The following MYH14 variants were observed in gnomAD, a reference collection of about 807,000 sequenced individuals.
MYH14 encodes the protein myosin heavy chain 14.
In MYH14, 123 loss-of-function variants were observed where a neutral mutation model predicts 255.5. The observed-to-expected ratio is 0.48, with a 90% CI of 0.42 to 0.56. The LOEUF is 0.56. Ranked by LOEUF, MYH14 falls within the 20% of genes least tolerant of loss-of-function variation. MYH14 has a pLI of 0.00. For missense variants in MYH14, 2,423 were observed against 2,802.3 expected, an observed-to-expected ratio of 0.86 and a Z score of 3.06; for synonymous variants, 1,095 against 1,161.2, an observed-to-expected ratio of 0.94 and a Z score of 1.16.
intron 20 of MYH14, 107 bp downstream of exon 20, chr19:50,260,822 A>T (rs1336509789): frequency 1.9e-5 from 14 of 746,498 alleles, no homozygotes; most frequent in Middle Eastern, 2.3e-4. Flanking sequence ...TGTGTGTGCA[A>T]GTGTGTGTGC....
At chr19:50,308,902 A>G in intron 41 of MYH14, 103 bp from the exon 42 acceptor site, 2 of 1,133,040 alleles carry the variant, frequency 1.8e-6, no homozygotes, top group Admixed American at 2.5e-5. Context: ...TGGGGCAGAG[A>G]GAGTCAGGGG....
At chr19:50,278,380 C>A in intron 30 of MYH14, 91 bp downstream of exon 30, 4 of 940,316 alleles carry the variant, frequency 4.3e-6, no homozygotes, top group Non-Finnish European at 6.1e-6. Context: ...CATATCAAAC[C>A]AATTGTCTCG....
rs1568500197 is a variant in MYH14 at position 50,251,490 on chromosome 19, T to TATATATATACAC, written c.1830+804_1830+815dup. Among the ~76,000 whole-genome samples, 978 of 130,298 alleles carry TATATATATACAC rather than the reference T, an allele frequency of 7.5e-3. 9 individuals carry two copies. Among genetic ancestry groups the TATATATATACAC allele is most frequent in the African/African-American group, 0.026 (896 of 34,730 alleles). 85.5% of individuals were successfully genotyped at this position (130,298 alleles called of 152,430 possible). A position where few individuals can be genotyped will look rare whatever the true frequency, so the allele number is the denominator to read the frequency against. On this transcript the variant is annotated intron_variant, in intron 15 of 42. Coordinates refer to ENST00000642316, the MANE Select transcript of MYH14 (RefSeq NM_001145809.2). ...ATATACACATATATATATACACACA[T>TATATATATACAC]ATATATATACACACATATATATATA...
intron 36 of MYH14, among the ~76,000 whole-genome samples, chr19:50,291,446 G>A (rs2036073764): frequency 6.6e-6 from 1 of 152,100 alleles, no homozygotes; most frequent in Non-Finnish European, 1.5e-5. Context: ...GATTACAGGC[G>A]TGCGCCATAA....
In MYH14 at chr19:50,309,062, G is replaced by A; in HGVS notation, c.5845G>A (p.Glu1949Lys). ...GAAGCGGCAGCTGGAGGAGGCCGAGGAGGAGGCATCCCGGGCTCAGGCCGG... is the reference window on the plus strand; with the variant it reads ...GAAGCGGCAGCTGGAGGAGGCCGAGAAGGAGGCATCCCGGGCTCAGGCCGG... ...QLKRQLEEAE[E>K]EASRAQAGRR... is the part of the protein sequence containing the mutation. Residue 1949 changes from glutamate (E) to lysine (K), a missense_variant, in exon 42 of 43, where the codon GAG (glutamate) becomes AAG (lysine). Around this residue, in one of 3 missense-constraint regions of MYH14, gnomAD observed 1,513 missense variants for 1,674.8 expected, o/e 0.90. Transcript: ENST00000642316. The A allele has an allele frequency of 6.2e-7, 1 of 1,613,858 alleles. No individual in the cohort carries two copies. The highest frequency in any genetic ancestry group is 8.5e-7 in the Non-Finnish European group (1 of 1,179,820).
chr19:50,237,860 T>C (rs2033729856), intron 10 of MYH14, among the ~76,000 whole-genome samples: 1 of 152,164 alleles, frequency 6.6e-6, no homozygotes, highest in Admixed American at 6.6e-5. Flanking sequence ...ACAGACTTTT[T>C]TTGACAAGAG....
At chr19:50,282,852 G>T (rs904560503) in intron 33 of MYH14, among the ~76,000 whole-genome samples, 1 of 152,106 alleles carries the variant, frequency 6.6e-6, no homozygotes, top group African/African-American at 2.4e-5. Context: ...TGGGTTTTTT[G>T]TATTTATCCT....
At chr19:50,289,822 C>A (rs1355650691) in intron 35 of MYH14, among the ~76,000 whole-genome samples, 174 bp downstream of exon 35, 3 of 152,030 alleles carry the variant, frequency 2.0e-5, no homozygotes, top group Non-Finnish European at 4.4e-5. Flanking sequence ...GTCTCCCCAC[C>A]CACCTGCCAC....
Position 50,293,250 on chromosome 19 carries a change from C to T in MYH14, c.5274C>T (p.Asp1758=), listed in dbSNP as rs1371521552. The T allele has an allele frequency of 1.2e-6, 2 of 1,607,816 alleles. No individual in the cohort carries two copies. The highest frequency in any genetic ancestry group is 2.2e-5 in the South Asian group (2 of 89,584). Residue 1758 remains aspartate, a synonymous_variant, in exon 38 of 43, where the codon GAC becomes GAT. Coordinates refer to ENST00000642316, the MANE Select transcript of MYH14 (RefSeq NM_001145809.2). The surrounding 1 kb of genome is among the most constrained non-coding windows in gnomAD (Gnocchi z 4.1). The part of the protein sequence containing the change: ...LRLQEELAAS[D]RARRQAQQDR... ...CATCACAGGAACTGGCCGCCTCGGACCGTGCTCGGCGGCAGGCCCAGCAGG... is the reference window on the plus strand; with the variant it reads ...CATCACAGGAACTGGCCGCCTCGGATCGTGCTCGGCGGCAGGCCCAGCAGG...
chr19:50,257,522 T>TG, intron 18 of MYH14, 36 bp downstream of exon 18: 1 of 1,563,672 alleles, frequency 6.4e-7, no homozygotes, highest in Non-Finnish European at 8.7e-7. Flanking sequence ...GGGGTGGCTG[T>TG]GGCTGTGGGT....
chr19:50,299,681 A>G (rs2123473510), intron 39 of MYH14, among the ~76,000 whole-genome samples: 1 of 152,038 alleles, frequency 6.6e-6, no homozygotes, highest in Non-Finnish European at 1.5e-5. Context: ...GTGATGGCTC[A>G]CGCCTATAAT....
chr19:50,270,120 G>GC (rs2123383573), intron 24 of MYH14, among the ~76,000 whole-genome samples: 1 of 152,318 alleles, frequency 6.6e-6, no homozygotes, highest in South Asian at 2.1e-4. Flanking sequence ...TACCCACGAG[G>GC]CCTGAGGTGG....
Position 50,286,537 on chromosome 19 carries a change from C to T in MYH14, c.4595C>T (p.Ala1532Val), listed in dbSNP as rs2035894234. ...VLRAVEERERAEAEGREREAR... is the reference protein window; with the variant it reads ...VLRAVEERERVEAEGREREAR... ...CGGGCAGTGGAGGAACGTGAGCGGG[C>T]CGAGGCAGAGGGCCGGGAGCGTGAG... Residue 1532 changes from alanine to valine, a missense_variant, in exon 34 of 43, where the codon GCC becomes GTC. Coordinates refer to ENST00000642316, the MANE Select transcript of MYH14 (RefSeq NM_001145809.2). 6.2e-7 allele frequency: 1 copy of T among 1,613,416 alleles called. No homozygotes were observed. Among genetic ancestry groups the T allele is most frequent in the Non-Finnish European group, 8.5e-7 (1 of 1,179,728 alleles).
chr19:50,245,693 C>G (rs1051381840), intron 11 of MYH14, among the ~76,000 whole-genome samples: 1 of 152,224 alleles, frequency 6.6e-6, no homozygotes, highest in African/African-American at 2.4e-5. Context: ...CTGCACAGCA[C>G]AGAAAATAGG....
Position 50,271,813 on chromosome 19 carries a change from C to T in MYH14, c.3172-36C>T, listed in dbSNP as rs148223762. 1,425 of 1,611,410 alleles carry T rather than the reference C, an allele frequency of 8.8e-4. 20 individuals carry two copies. The South Asian group carries it at 0.013, about 15-fold the overall frequency. ...GGTAAGGGCTGCTCCTGGCCCAACTCCTCCTGACTGCCCCCCATCCCACTC... is the reference window on the plus strand; with the variant it reads ...GGTAAGGGCTGCTCCTGGCCCAACTTCTCCTGACTGCCCCCCATCCCACTC... On this transcript the variant is annotated intron_variant, in intron 25 of 42. Coordinates refer to ENST00000642316, the MANE Select transcript of MYH14 (RefSeq NM_001145809.2).
chr19:50,292,845 G>C (rs1330762782), intron 37 of MYH14, among the ~76,000 whole-genome samples: 1 of 151,912 alleles, frequency 6.6e-6, no homozygotes, highest in Non-Finnish European at 1.5e-5. Flanking sequence ...AGGGCCAAGG[G>C]GATGCAGAGG....
chr19:50,245,432 AGAAGAAGAAAG>A (rs144294808), intron 11 of MYH14, among the ~76,000 whole-genome samples: 14 of 123,462 alleles, frequency 1.1e-4, no homozygotes, highest in African/African-American at 2.1e-4. Flanking sequence ...AAAAAAAAAA[AGAAGAAGAAAG>A]AAAGAAAAAG....
Position 50,223,062 on chromosome 19 carries a change from C to G in MYH14, c.563-21C>G, listed in dbSNP as rs12609315. On this transcript the variant is annotated intron_variant, in intron 3 of 42. Transcript: ENST00000642316. ...TAGAGACTCTCTCAGATGACATATT[C>G]CCCCACTCTGTCCCCTACAGATCGT... The G allele has an allele frequency of 0.29, 460,622 of 1,606,348 alleles. 69,416 individuals carry two copies. The highest frequency in any genetic ancestry group is 0.36 in the East Asian group (16,323 of 44,806).
chr19:50,281,710 G>A lies in MYH14; in HGVS notation c.4407G>A (p.Lys1469=), dbSNP rs773648531. ...AEALTQRLAE[K]TETVDRLERG... is the part of the protein sequence containing the mutation. Reference sequence around the variant, plus strand: ...CCCTGACCCAGCGCCTGGCAGAAAAGACAGAGACCGTGGATCGGCTGGAGC... The same window carrying A: ...CCCTGACCCAGCGCCTGGCAGAAAAAACAGAGACCGTGGATCGGCTGGAGC... The change falls in exon 33 of 43, where the codon AAG becomes AAA. Residue 1469 remains lysine, a synonymous_variant. Transcript: ENST00000642316. 1.2e-6 allele frequency: 2 copies of A among 1,612,482 alleles called. No homozygotes were observed. Among genetic ancestry groups the A allele is most frequent in the Admixed American group, 3.3e-5 (2 of 59,980 alleles).
Sources: allele counts gnomAD v4.1 joint callset (sites outside exome capture counted in the v4.1 genomes callset), GRCh38; gene constraint gnomAD v4.1.1; regional missense constraint gnomAD v4.1.1; non-coding constraint Gnocchi (gnomAD v3.1); transcripts MANE v1.5; gene names NCBI Gene and HGNC (gene_info 2026-07-23, HGNC 2026-07-21).